The following SH2D3C variants were observed in gnomAD, a reference collection of about 807,000 sequenced individuals.
SH2D3C encodes SH2 domain-containing protein 3C.
Under a neutral mutation model 75.2 loss-of-function variants are expected in SH2D3C, and 25 were observed. The ratio of observed to expected loss-of-function variants is 0.33; its 90% CI spans 0.24 to 0.46. SH2D3C has a LOEUF of 0.46. Ranked by LOEUF, SH2D3C falls within the 20% of genes least tolerant of loss-of-function variation. SH2D3C has a pLI of 1.00. For missense variants in SH2D3C, 933 were observed against 1,165.3 expected, an observed-to-expected ratio of 0.80 and a Z score of 2.90; for synonymous variants, 450 against 473.7, an observed-to-expected ratio of 0.95 and a Z score of 0.65.
intron 3 of SH2D3C, among the ~76,000 whole-genome samples, chr9:127,756,587 T>C (rs1217543293): frequency 1.3e-5 from 2 of 151,536 alleles, no homozygotes; most frequent in Non-Finnish European, 2.9e-5. Flanking sequence ...TTGAGAACTC[T>C]GAAGTTCTGG....
intron 1 of SH2D3C, among the ~76,000 whole-genome samples, chr9:127,777,699 C>G (rs1005658984): frequency 1.3e-5 from 2 of 152,092 alleles, no homozygotes; most frequent in African/African-American, 4.8e-5. Context: ...CTGCAGAGAT[C>G]GAGAGACGCG....
In SH2D3C at chr9:127,754,935, C is replaced by G. The variant is rs1260708458; in HGVS notation, c.556-3635G>C. The G allele has an allele frequency of 7.8e-6, 4 of 512,580 alleles. No homozygotes were observed. Among genetic ancestry groups the G allele is most frequent in the South Asian group, 3.2e-5 (2 of 61,542 alleles). 31.8% of individuals were successfully genotyped at this position (512,580 alleles called of 1,614,324 possible). A position where few individuals can be genotyped will look rare whatever the true frequency, so the allele number is the denominator to read the frequency against. ...GGTGAGGCTGGGGTGACCCCGCCCC[C>G]TCCCCGGGTCGGCCGGGCCCAGCCC... On this transcript the variant is annotated intron_variant, in intron 3 of 11. Transcript: ENST00000314830. This position sits in a 1 kb window ranked among gnomAD's most constrained non-coding sequence, Gnocchi z 4.4.
intron 9 of SH2D3C, among the ~76,000 whole-genome samples, chr9:127,740,611 G>C (rs1207446119): frequency 6.6e-6 from 1 of 152,240 alleles, no homozygotes; most frequent in Non-Finnish European, 1.5e-5. Context: ...CTGAAAAAAA[G>C]TGGCAGAGCT....
In SH2D3C at chr9:127,747,310, G is replaced by A. The variant is rs752050866; in HGVS notation, c.1140-39C>T. 2.5e-6 allele frequency: 4 copies of A among 1,591,632 alleles called. No homozygotes were observed. The South Asian group carries it at 3.4e-5, about 13-fold the overall frequency. The stretch of plus-strand genomic sequence containing the variant: ...ACCATCATGGGCAGGGAGCCCGGAG[G>A]TCAGGGGCCTCAGCCTGCCTCTGGG... On this transcript the variant is annotated intron_variant, in intron 5 of 11. Coordinates refer to ENST00000314830, the MANE Select transcript of SH2D3C (RefSeq NM_170600.3).
Position 127,754,689 on chromosome 9 carries a change from G to A in SH2D3C, c.556-3389C>T. ...CTCAGTCTTCAGATCCCAGTCCGGC[G>A]CCCCCGGTACAATGGGGAGCCAGGG... On this transcript the variant is annotated intron_variant, in intron 3 of 11. Transcript: ENST00000314830. The surrounding 1 kb of genome is among the most constrained non-coding windows in gnomAD (Gnocchi z 4.4). 3.0e-6 allele frequency: 1 copy of A among 329,282 alleles called. No homozygotes were observed. The highest frequency in any genetic ancestry group is 6.7e-6 in the Non-Finnish European group (1 of 149,642). 20.4% of individuals were successfully genotyped at this position (329,282 alleles called of 1,614,324 possible).
rs764211868 is a variant in SH2D3C, at chr9:127,738,868, G to A, written c.2461C>T (p.Arg821Cys). ...GCACCCTGACTGCCCCAGAGAAGGC[G>A]CATCTGGAACTCCGTGCTGAACACC... ...LEVFSTEFQM[R>C]LLWGSQGASS... Residue 821 changes from arginine (R) to cysteine (C), a missense_variant, in exon 12 of 12, where the codon CGC becomes TGC. Transcript: ENST00000314830. This position sits in a 1 kb window ranked among gnomAD's most constrained non-coding sequence, Gnocchi z 5.0. 6.3e-6 allele frequency: 10 copies of A among 1,599,158 alleles called. No homozygotes were observed. The highest frequency in any genetic ancestry group is 4.5e-5 in the South Asian group (4 of 88,480).
intron 9 of SH2D3C, among the ~76,000 whole-genome samples, chr9:127,740,805 C>T (rs1407331094): frequency 6.6e-6 from 1 of 152,314 alleles, no homozygotes; most frequent in East Asian, 1.9e-4. Flanking sequence ...CTCAGCCTGC[C>T]GAGTAGCTGA....
At chr9:127,762,973 GCCTGCTGGTACCCGACAGCC>G (rs1177595668) in intron 2 of SH2D3C, among the ~76,000 whole-genome samples, 2 of 152,194 alleles carry the variant, frequency 1.3e-5, no homozygotes, top group Non-Finnish European at 2.9e-5. Context: ...GCCCTGTGTG[GCCTGCTGGTACCCGACAGCC>G]ACCCTGCCGA....
chr9:127,757,192 A>G (rs1411495187), intron 3 of SH2D3C, among the ~76,000 whole-genome samples: 1 of 147,954 alleles, frequency 6.8e-6, no homozygotes, highest in East Asian at 2.0e-4. Context: ...ATCTGCCCGC[A>G]TTACACGCAT....
chr9:127,770,131 T>A (rs1376535164), intron 2 of SH2D3C, among the ~76,000 whole-genome samples: 4 of 152,132 alleles, frequency 2.6e-5, no homozygotes, highest in Non-Finnish European at 5.9e-5. Context: ...GGGGGCAGGC[T>A]AGGCTGGTGC....
At chr9:127,769,700 CTT>C (rs970229085) in intron 2 of SH2D3C, among the ~76,000 whole-genome samples, 23 of 149,950 alleles carry the variant, frequency 1.5e-4, no homozygotes, top group Middle Eastern at 3.4e-3. Context: ...AAAAGAAAAA[CTT>C]TGAGATTTTT....
Position 127,749,745 on chromosome 9 carries a change from A to C in SH2D3C, c.685-80T>G. ...CAGGATCTGGGGGACAGAGCAACCC[A>C]GGATTAGGGGGCACAGCAAGACCAG... On this transcript the variant is annotated intron_variant, in intron 4 of 11. Coordinates refer to ENST00000314830, the MANE Select transcript of SH2D3C (RefSeq NM_170600.3). The surrounding 1 kb of genome is among the most constrained non-coding windows in gnomAD (Gnocchi z 5.9). 2 of 861,256 alleles carry C rather than the reference A, an allele frequency of 2.3e-6. No individual in the cohort carries two copies. Among genetic ancestry groups the C allele is most frequent in the Non-Finnish European group, 3.7e-6 (2 of 541,654 alleles). 53.4% of individuals were successfully genotyped at this position (861,256 alleles called of 1,614,324 possible). A position where few individuals can be genotyped will look rare whatever the true frequency, so the allele number is the denominator to read the frequency against.
intron 9 of SH2D3C, among the ~76,000 whole-genome samples, chr9:127,740,604 A>G (rs1474549540): frequency 6.6e-6 from 1 of 152,190 alleles, no homozygotes; most frequent in Non-Finnish European, 1.5e-5. Flanking sequence ...GGTTATTCTG[A>G]AAAAAAGTGG....
rs532050597 is a variant in SH2D3C at position 127,751,600 on chromosome 9, G to C, written c.556-300C>G. On this transcript the variant is annotated intron_variant, in intron 3 of 11. Transcript: ENST00000314830. This position sits in a 1 kb window ranked among gnomAD's most constrained non-coding sequence, Gnocchi z 4.1. ...GTCTGAGGAGAGGCAAAAGCAACAG[G>C]AGCCTCTGAGTAGAGTGCGGTCAGC... is the stretch of plus-strand genomic sequence containing the variant. 6.6e-6 allele frequency among the ~76,000 whole-genome samples: 1 copy of C among 152,210 alleles called. No individual in the cohort carries two copies. The highest frequency in any genetic ancestry group is 2.4e-5 in the African/African-American group (1 of 41,454).
At position 127,749,374 on chromosome 9, in the gene SH2D3C, G is replaced by T; in HGVS notation, c.976C>A (p.Arg326Ser). ...AGGCCATAGCTGGCCTCGAGGTAGC[G>T]CAGTGGGAAGGTGCGGTTCACCGGG... ...YCPVNRTFPL[R>S]YLEASYGLGQ... The change falls in exon 5 of 12, where the codon CGC (arginine) becomes AGC (serine). Residue 326 changes from arginine (R) to serine (S), a missense_variant. Transcript: ENST00000314830. This position sits in a 1 kb window ranked among gnomAD's most constrained non-coding sequence, Gnocchi z 5.9. 1.2e-6 allele frequency: 2 copies of T among 1,613,996 alleles called. No homozygotes were observed. The highest frequency in any genetic ancestry group is 1.3e-5 in the African/African-American group (1 of 75,046).
chr9:127,774,378 A>C lies in SH2D3C; in HGVS notation c.127T>G (p.Ser43Ala). ...TCAAAGGTGTCAGGCTCCAAATGGG[A>C]CTGCCTACTGATGGAAGCTGAGGAT... ...RRSSASISRQ[S>A]HLEPDTFEAT... Residue 43 changes from serine (S) to alanine (A), a missense_variant, in exon 2 of 12, where the codon TCC becomes GCC. Transcript: ENST00000314830. The surrounding 1 kb of genome is among the most constrained non-coding windows in gnomAD (Gnocchi z 4.3). The C allele has an allele frequency of 6.2e-7, 1 of 1,613,764 alleles. No individual in the cohort carries two copies.
intron 3 of SH2D3C, among the ~76,000 whole-genome samples, chr9:127,752,671 C>T (rs1000552604): frequency 6.6e-6 from 1 of 152,158 alleles, no homozygotes; most frequent in Non-Finnish European, 1.5e-5. Context: ...GCATTGCTCC[C>T]AAGACACCAT....
intron 7 of SH2D3C, among the ~76,000 whole-genome samples, chr9:127,744,175 AT>A (rs1844953265): frequency 6.9e-6 from 1 of 144,704 alleles, no homozygotes; most frequent in South Asian, 2.2e-4. Flanking sequence ...GGTTCAAGTG[AT>A]TCTCCTGCCT....
chr9:127,767,426 T>G (rs184985876), intron 2 of SH2D3C: 1 of 488,016 alleles, frequency 2.0e-6, no homozygotes. Context: ...GATGGCCTGA[T>G]GTCTAATTCC....
Sources: allele counts gnomAD v4.1 joint callset (sites outside exome capture counted in the v4.1 genomes callset), GRCh38; gene constraint gnomAD v4.1.1; non-coding constraint Gnocchi (gnomAD v3.1); transcripts MANE v1.5; gene names NCBI Gene and HGNC (gene_info 2026-07-23, HGNC 2026-07-21).